The following ADGRV1 variants were observed in gnomAD, a reference collection of about 807,000 sequenced individuals.
ADGRV1 encodes adhesion G protein-coupled receptor V1.
In ADGRV1, 359 loss-of-function variants were observed where a neutral mutation model predicts 596.2. That is an observed-to-expected ratio of 0.60 (90% CI 0.55 to 0.66). The LOEUF (loss-of-function observed/expected upper bound fraction) is 0.66, where lower values mean the gene tolerates loss of function less well. ADGRV1 is among the 30% of genes least tolerant of loss of function. The pLI, the probability that ADGRV1 is intolerant of heterozygous loss-of-function variation, is 0.00. For synonymous variants in ADGRV1, 2,681 were observed against 2,679.2 expected, an observed-to-expected ratio of 1.00 and a Z score of -0.02; for missense variants, 7,274 against 7,575.6, an observed-to-expected ratio of 0.96 and a Z score of 1.48.
chr5:90,704,998 T>C (rs1748407045), intron 36 of ADGRV1, among the ~76,000 whole-genome samples: 1 of 152,000 alleles, frequency 6.6e-6, no homozygotes, highest in Non-Finnish European at 1.5e-5. Context: ...TTAGTAGAGA[T>C]GGGGTTTCAC....
chr5:90,683,582 G>C lies in ADGRV1; in HGVS notation c.5665-4G>C. 2 of 1,572,362 alleles carry C rather than the reference G, an allele frequency of 1.3e-6. No individual in the cohort carries two copies. The highest frequency in any genetic ancestry group is 4.6e-5 in the East Asian group (2 of 43,486). ...AATAGATTTTAATATTAAGTATTTT[G>C]TAGGTTATAAGACATCATGGAACTC... is the stretch of plus-strand genomic sequence containing the variant. On this transcript the variant is annotated splice_region_variant and splice_polypyrimidine_tract_variant and intron_variant, in intron 27 of 89. Coordinates refer to ENST00000405460, the MANE Select transcript of ADGRV1 (RefSeq NM_032119.4).
At chr5:90,870,084 G>C (rs1016284113) in intron 83 of ADGRV1, among the ~76,000 whole-genome samples, 1 of 152,124 alleles carries the variant, frequency 6.6e-6, no homozygotes, top group African/African-American at 2.4e-5. Flanking sequence ...AGCATGAGGG[G>C]TTTAAGGTTT....
intron 74 of ADGRV1, among the ~76,000 whole-genome samples, chr5:90,814,365 C>T (rs1166867154): frequency 6.6e-6 from 1 of 152,192 alleles, no homozygotes; most frequent in Non-Finnish European, 1.5e-5. Context: ...CCAACCTACT[C>T]CCTAATTTCA....
chr5:91,094,090 G>C (rs1790634698), intron 86 of ADGRV1, among the ~76,000 whole-genome samples: 1 of 151,854 alleles, frequency 6.6e-6, no homozygotes, highest in Non-Finnish European at 1.5e-5. Context: ...GGCCTCCAGT[G>C]ATCTGCCAGC....
At position 90,622,713 on chromosome 5, in the gene ADGRV1, C is replaced by G. The variant is rs2152065605; in HGVS notation, c.558+12C>G. 1 of 1,132,564 alleles carries G rather than the reference C, an allele frequency of 8.8e-7. No individual in the cohort carries two copies. 70.2% of individuals were successfully genotyped at this position (1,132,564 alleles called of 1,614,324 possible). Reference sequence around the variant, plus strand: ...TGGTGACTTTTGAGGTAAGTTTACTCTGAAGTCATTTTATTTTATTTATTT... The same window carrying G: ...TGGTGACTTTTGAGGTAAGTTTACTGTGAAGTCATTTTATTTTATTTATTT... On this transcript the variant is annotated intron_variant, in intron 5 of 89. Coordinates refer to ENST00000405460, the MANE Select transcript of ADGRV1 (RefSeq NM_032119.4).
At chr5:91,004,398 G>A (rs1050457297) in intron 85 of ADGRV1, among the ~76,000 whole-genome samples, 1 of 151,490 alleles carries the variant, frequency 6.6e-6, no homozygotes, top group Non-Finnish European at 1.5e-5. Context: ...TAATTTATCG[G>A]CTTTATAAAT....
chr5:90,875,142 A>T (rs1769108243), intron 83 of ADGRV1, among the ~76,000 whole-genome samples: 1 of 152,142 alleles, frequency 6.6e-6, no homozygotes, highest in African/African-American at 2.4e-5. Flanking sequence ...ATTGTGAATT[A>T]TGATTTCACC....
chr5:90,838,084 G>A lies in ADGRV1; in HGVS notation c.16612-2494G>A, dbSNP rs145349467. On this transcript the variant is annotated intron_variant, in intron 77 of 89. Coordinates refer to ENST00000405460, the MANE Select transcript of ADGRV1 (RefSeq NM_032119.4). The stretch of plus-strand genomic sequence containing the variant: ...CATATGTCTGTGAACTATCCATGCT[G>A]ATGTGTGTACTTGAAATCCTTTCAT... Among the ~76,000 whole-genome samples, 357 of 152,206 alleles carry A rather than the reference G, an allele frequency of 2.3e-3. 4 individuals carry two copies. The highest frequency in any genetic ancestry group is 8.4e-3 in the African/African-American group (348 of 41,538).
At chr5:90,668,842 T>G (rs1244710013) in intron 21 of ADGRV1, among the ~76,000 whole-genome samples, 1 of 152,182 alleles carries the variant, frequency 6.6e-6, no homozygotes, top group Non-Finnish European at 1.5e-5. Context: ...AAGGTTTTAG[T>G]AAATAAAAAT....
chr5:90,647,399 A>G, intron 16 of ADGRV1, 99 bp from the exon 17 acceptor site: 1 of 1,240,800 alleles, frequency 8.1e-7, no homozygotes, highest in Non-Finnish European at 1.1e-6. Flanking sequence ...ACACAGTACA[A>G]GGCTTCTCTC....
At chr5:91,158,365 A>C (rs949128149) in intron 89 of ADGRV1, among the ~76,000 whole-genome samples, 27 of 152,248 alleles carry the variant, frequency 1.8e-4, no homozygotes, top group African/African-American at 6.3e-4. Context: ...GGTAGAAGAT[A>C]AAAGCTTTTT....
chr5:90,878,178 C>G (rs1026596805), intron 83 of ADGRV1, among the ~76,000 whole-genome samples: 1 of 152,172 alleles, frequency 6.6e-6, no homozygotes, highest in African/African-American at 2.4e-5. Flanking sequence ...AGACTTCCGT[C>G]AGAATTGGCT....
At chr5:90,675,952 T>G in intron 24 of ADGRV1, 128 bp from the exon 25 acceptor site, 1 of 633,700 alleles carries the variant, frequency 1.6e-6, no homozygotes, top group Non-Finnish European at 2.6e-6. Context: ...TTTACTTGTC[T>G]TCTTAGCATT....
At chr5:91,115,444 C>G (rs1792767557) in intron 87 of ADGRV1, among the ~76,000 whole-genome samples, 2 of 152,192 alleles carry the variant, frequency 1.3e-5, no homozygotes, top group Non-Finnish European at 2.9e-5. Flanking sequence ...CTAAGAACAT[C>G]ATGATGAGGA....
At chr5:90,830,605 A>G (rs922745056) in intron 77 of ADGRV1, among the ~76,000 whole-genome samples, 4 of 152,150 alleles carry the variant, frequency 2.6e-5, no homozygotes, top group African/African-American at 7.2e-5. Context: ...TATGTTTTCT[A>G]GATTCTTCAT....
chr5:91,116,762 G>C (rs1253566582), intron 87 of ADGRV1, among the ~76,000 whole-genome samples: 2 of 152,136 alleles, frequency 1.3e-5, no homozygotes, highest in Non-Finnish European at 2.9e-5. Context: ...TGTTGGGCCA[G>C]TACCATACTG....
chr5:90,587,934 TA>T (rs1758990970), intron 1 of ADGRV1, among the ~76,000 whole-genome samples: 1 of 152,232 alleles, frequency 6.6e-6, no homozygotes, highest in Admixed American at 6.5e-5. Context: ...CTACAGTATA[TA>T]AAACGTGGTT....
intron 1 of ADGRV1, among the ~76,000 whole-genome samples, chr5:90,601,424 C>T (rs1228027660): frequency 6.6e-6 from 1 of 152,008 alleles, no homozygotes; most frequent in Admixed American, 6.6e-5. Flanking sequence ...GAAGCAAAAC[C>T]GTATCTTTTA....
chr5:91,028,496 C>T (rs1784200051), intron 85 of ADGRV1, among the ~76,000 whole-genome samples: 2 of 151,994 alleles, frequency 1.3e-5, no homozygotes, highest in South Asian at 4.1e-4. Context: ...TTTTGTCCGG[C>T]CCAATCCACA....
Sources: allele counts gnomAD v4.1 joint callset (sites outside exome capture counted in the v4.1 genomes callset), GRCh38; gene constraint gnomAD v4.1.1; transcripts MANE v1.5; gene names NCBI Gene and HGNC (gene_info 2026-07-23, HGNC 2026-07-21).